SMPD3: variants seen among roughly 807,000 people sequenced by gnomAD.
SMPD3 encodes sphingomyelin phosphodiesterase 3.
A neutral mutation model predicts 55.7 loss-of-function variants in SMPD3; 21 were observed. That is an observed-to-expected ratio of 0.38 (90% CI 0.27 to 0.54). The LOEUF is 0.54. Among genes scored for constraint, SMPD3 ranks in the 20% least tolerant of loss-of-function variants. SMPD3 has a pLI of 0.80. For missense variants in SMPD3, 842 were observed against 899.6 expected (o/e 0.94, Z 0.82); for synonymous variants, 457 against 404.3 (o/e 1.13, Z -1.56).
At chr16:68,397,246 A>G (rs966269836) in intron 1 of SMPD3, among the ~76,000 whole-genome samples, 1 of 152,098 alleles carries the variant, frequency 6.6e-6, no homozygotes, top group African/African-American at 2.4e-5. Flanking sequence ...GCTAGCCACC[A>G]CCCTTCCCTC....
chr16:68,418,581 C>T (rs1231022381), intron 1 of SMPD3, among the ~76,000 whole-genome samples: 1 of 152,184 alleles, frequency 6.6e-6, no homozygotes, highest in Non-Finnish European at 1.5e-5. Flanking sequence ...CAAAGAACAA[C>T]ATCCATGTTG....
At chr16:68,372,761 G>A (rs1480627288) in intron 2 of SMPD3, among the ~76,000 whole-genome samples, 3 of 152,210 alleles carry the variant, frequency 2.0e-5, no homozygotes, top group Non-Finnish European at 4.4e-5. Flanking sequence ...GGGGGCCGCC[G>A]GAAGCCCATC....
chr16:68,363,907 T>C (rs768590791), intron 5 of SMPD3, 41 bp from the exon 6 acceptor site: 106 of 1,519,288 alleles, frequency 7.0e-5, no homozygotes, highest in Non-Finnish European at 2.7e-6. Context: ...CCAGGGGGCT[T>C]TGCTGTCCCA....
chr16:68,418,603 C>T (rs997383046), intron 1 of SMPD3, among the ~76,000 whole-genome samples: 14 of 152,178 alleles, frequency 9.2e-5, no homozygotes, highest in African/African-American at 3.1e-4. Flanking sequence ...CATCACATCC[C>T]CCTGCAGGCA....
chr16:68,412,277 C>T lies in SMPD3; in HGVS notation c.-268-25618G>A, dbSNP rs575701944. Reference sequence around the variant, plus strand: ...CAGCAGCCCAAGCCCTGTGCCAACACGCACTGCCATTCCTGGTTGCCAGAT... The same window carrying T: ...CAGCAGCCCAAGCCCTGTGCCAACATGCACTGCCATTCCTGGTTGCCAGAT... On this transcript the variant is annotated intron_variant, in intron 1 of 8. Coordinates refer to ENST00000219334, the MANE Select transcript of SMPD3 (RefSeq NM_018667.4). Among the ~76,000 whole-genome samples the T allele has an allele frequency of 7.2e-5, 11 of 152,314 alleles. No homozygotes were observed. The East Asian group carries it at 7.7e-4, about 11-fold the overall frequency.
intron 8 of SMPD3, 104 bp from the exon 9 acceptor site, chr16:68,361,411 G>T: frequency 2.2e-6 from 3 of 1,388,128 alleles, no homozygotes; most frequent in Non-Finnish European, 3.0e-6. Context: ...GGCTGGGGTG[G>T]GCTGGGACCT....
intron 2 of SMPD3, among the ~76,000 whole-genome samples, chr16:68,384,088 G>A (rs1336260991): frequency 6.6e-6 from 1 of 152,248 alleles, no homozygotes; most frequent in African/African-American, 2.4e-5. Flanking sequence ...AGGTTGCCCA[G>A]GCACCTAGGC....
chr16:68,364,639 G>T, intron 5 of SMPD3, 112 bp downstream of exon 5: 1 of 1,237,470 alleles, frequency 8.1e-7, no homozygotes, highest in Non-Finnish European at 1.1e-6. Context: ...CCGCCCACAT[G>T]CTCTCGAGGA....
chr16:68,437,705 C>T (rs2090534056), intron 1 of SMPD3, among the ~76,000 whole-genome samples: 1 of 152,234 alleles, frequency 6.6e-6, no homozygotes, highest in Non-Finnish European at 1.5e-5. Flanking sequence ...GCATCCTCCA[C>T]AGAACTGCAG....
At chr16:68,435,020 G>GGTGT (rs1242562380) in intron 1 of SMPD3, among the ~76,000 whole-genome samples, 1 of 152,214 alleles carries the variant, frequency 6.6e-6, no homozygotes, top group South Asian at 2.1e-4. Flanking sequence ...CAGGCCACAG[G>GGTGT]GTGTGTGTGT....
chr16:68,388,688 T>C (rs1013136288), intron 1 of SMPD3, among the ~76,000 whole-genome samples: 2 of 151,798 alleles, frequency 1.3e-5, no homozygotes, highest in African/African-American at 4.8e-5. Context: ...AATCCCTGCA[T>C]GTTTTTTTCA....
intron 1 of SMPD3, among the ~76,000 whole-genome samples, chr16:68,444,378 T>G (rs2090593320): frequency 6.6e-6 from 1 of 152,242 alleles, no homozygotes. Context: ...CAGTCTCATT[T>G]CCAGCATGCA....
rs1258896116 is a variant in SMPD3, at chr16:68,361,243, A to G, written c.1931T>C (p.Met644Thr). Reference sequence around the variant, plus strand: ...CTCCCCCGAAGACACCATCAGTCGCATGGCTACTGGCAGGTGGTCCGTCAG... The same window carrying G: ...CTCCCCCGAAGACACCATCAGTCGCGTGGCTACTGGCAGGTGGTCCGTCAG... ...SGLTDHLPVAMRLMVSSGEEE... is the reference protein window; with the variant it reads ...SGLTDHLPVATRLMVSSGEEE... The change falls in exon 9 of 9, where the codon ATG becomes ACG. Residue 644 changes from methionine (M) to threonine (T), a missense_variant. Met to Thr is a moderately conservative substitution (Grantham distance 81). Transcript: ENST00000219334. 2.5e-6 allele frequency: 4 copies of G among 1,613,868 alleles called. No homozygotes were observed. Among genetic ancestry groups the G allele is most frequent in the Non-Finnish European group, 2.5e-6 (3 of 1,179,986 alleles).
rs1392058015 is a variant in SMPD3 at position 68,361,210 on chromosome 16, GCCT to G, written c.1961_1963del (p.Glu654del). The G allele has an allele frequency of 5.0e-6, 8 of 1,613,006 alleles. No homozygotes were observed. Among genetic ancestry groups the G allele is most frequent in the Admixed American group, 3.3e-5 (2 of 59,956 alleles). ...GGCCCCGCTGCTCCGGACGGTCTAT[GCCT>G]CCTCCTCCCCCGAAGACACCATCAG... On this transcript the variant is annotated inframe_deletion, in exon 9 of 9. Coordinates refer to ENST00000219334, the MANE Select transcript of SMPD3 (RefSeq NM_018667.4).
intron 1 of SMPD3, among the ~76,000 whole-genome samples, chr16:68,406,344 TATG>T (rs1407816340): frequency 6.6e-6 from 1 of 152,210 alleles, no homozygotes; most frequent in Non-Finnish European, 1.5e-5. Context: ...TTATAGAAAA[TATG>T]ATATTTCTGT....
rs1432559303 is a variant in SMPD3 at position 68,364,902 on chromosome 16, G to A, written c.1404C>T (p.Asp468=). 6.2e-7 allele frequency: 1 copy of A among 1,613,684 alleles called. No homozygotes were observed. Among genetic ancestry groups the A allele is most frequent in the Non-Finnish European group, 8.5e-7 (1 of 1,179,806 alleles). Reference sequence around the variant, plus strand: ...CCAGCTGCCCACACCGGATGGCGCTGTCCTCTGCAGGGCAGAAGTACAGAG... The same window carrying A: ...CCAGCTGCCCACACCGGATGGCGCTATCCTCTGCAGGGCAGAAGTACAGAG... ...ACTHLHAPQE[D]SAIRCGQLDL... The change falls in exon 5 of 9, where the codon GAC becomes GAT. Residue 468 remains aspartate (D), a synonymous_variant. Transcript: ENST00000219334.
chr16:68,389,710 G>A (rs1439804207), intron 1 of SMPD3, among the ~76,000 whole-genome samples: 1 of 152,180 alleles, frequency 6.6e-6, no homozygotes, highest in Non-Finnish European at 1.5e-5. Context: ...TGCAGACCTG[G>A]GGCCTCCCAG....
At chr16:68,442,205 A>G (rs967665363) in intron 1 of SMPD3, among the ~76,000 whole-genome samples, 11 of 152,258 alleles carry the variant, frequency 7.2e-5, no homozygotes, top group Non-Finnish European at 1.5e-4. Flanking sequence ...GCATTAAAAA[A>G]TCTGGGTTCT....
rs1463132633 is a variant in SMPD3 at position 68,359,081 on chromosome 16, C to T, written c.*2125G>A. ...GGGGAGGAGCATGCAGCCCTGACTC[C>T]CACGCCTGCTGCCCCGGGAGGGGGT... On this transcript the variant is annotated 3_prime_UTR_variant, in exon 9 of 9. Transcript: ENST00000219334. 1 of 152,650 alleles carries T rather than the reference C, an allele frequency of 6.6e-6. No individual in the cohort carries two copies. The highest frequency in any genetic ancestry group is 1.5e-5 in the Non-Finnish European group (1 of 68,134). The allele number at this position is 152,650 out of a possible 1,614,324, so 9.5% of individuals were successfully genotyped here. A position where few individuals can be genotyped will look rare whatever the true frequency, so the allele number is the denominator to read the frequency against.
Sources: gnomAD v4.1 joint callset for allele counts (sites outside exome capture counted in the v4.1 genomes callset) on GRCh38, gnomAD v4.1.1 for gene constraint, MANE v1.5 for transcripts, NCBI Gene and HGNC (gene_info 2026-07-23, HGNC 2026-07-21) for gene names.